The following KIF13B variants were observed in gnomAD, a reference collection of about 807,000 sequenced individuals.
The protein encoded by KIF13B is kinesin-like protein KIF13B.
Under a neutral mutation model 222.0 loss-of-function variants are expected in KIF13B, and 127 were observed. That is an observed-to-expected ratio of 0.57 (90% CI 0.50 to 0.66). KIF13B has a LOEUF of 0.66. KIF13B is among the 30% of genes least tolerant of loss of function. The pLI, the probability that KIF13B is intolerant of heterozygous loss-of-function variation, is 0.00. For missense variants in KIF13B, 2,173 were observed against 2,379.0 expected, an observed-to-expected ratio of 0.91 and a Z score of 1.80; for synonymous variants, 976 against 919.0, an observed-to-expected ratio of 1.06 and a Z score of -1.12.
chr8:29,110,695 C>G (rs1809315815), intron 32 of KIF13B: 1 of 152,362 alleles, frequency 6.6e-6, no homozygotes, highest in African/African-American at 2.4e-5. Context: ...ACTGAGCTTT[C>G]TGGTATAGCC....
intron 2 of KIF13B, among the ~76,000 whole-genome samples, chr8:29,210,921 C>T (rs1461592368): frequency 6.6e-6 from 1 of 152,204 alleles, no homozygotes; most frequent in Non-Finnish European, 1.5e-5. Flanking sequence ...AAAATGAGAC[C>T]ACCTGGCCAG....
chr8:29,081,748 C>T (rs960238762), intron 37 of KIF13B, among the ~76,000 whole-genome samples: 10 of 152,162 alleles, frequency 6.6e-5, no homozygotes, highest in African/African-American at 1.9e-4. Context: ...ATACATGGCT[C>T]GCATTATGTA....
chr8:29,168,811 G>T (rs771849441), intron 10 of KIF13B, among the ~76,000 whole-genome samples: 1 of 152,138 alleles, frequency 6.6e-6, no homozygotes, highest in East Asian at 1.9e-4. Context: ...ACACGCACCC[G>T]GAGTCCTGAC....
At chr8:29,107,752 G>A (rs1158557850) in intron 35 of KIF13B, among the ~76,000 whole-genome samples, 1 of 151,828 alleles carries the variant, frequency 6.6e-6, no homozygotes, top group East Asian at 2.0e-4. Flanking sequence ...AGTAGAGACG[G>A]GGTTTCACCG....
At chr8:29,168,988 T>C (rs1449878948) in intron 10 of KIF13B, among the ~76,000 whole-genome samples, 1 of 152,208 alleles carries the variant, frequency 6.6e-6, no homozygotes, top group African/African-American at 2.4e-5. Context: ...GAACAGAATG[T>C]CACTGAATGA....
chr8:29,148,292 A>G (rs970548670), intron 16 of KIF13B, among the ~76,000 whole-genome samples: 1 of 152,256 alleles, frequency 6.6e-6, no homozygotes. Flanking sequence ...ATTTTGATAA[A>G]TATAAATTAA....
At chr8:29,149,944 G>A (rs1175741352) in intron 15 of KIF13B, among the ~76,000 whole-genome samples, 3 of 151,970 alleles carry the variant, frequency 2.0e-5, no homozygotes, top group East Asian at 1.9e-4. Context: ...CTAAAACCAC[G>A]ACTACGTTTC....
intron 9 of KIF13B, 114 bp downstream of exon 9, chr8:29,177,352 T>C (rs1307969581): frequency 4.9e-5 from 37 of 749,546 alleles, no homozygotes; most frequent in South Asian, 2.2e-4. Context: ...CCCAGGCCCA[T>C]TGAAAATACC....
intron 1 of KIF13B, 27 bp from the exon 2 acceptor site, chr8:29,245,466 G>C (rs774622075): frequency 6.7e-7 from 1 of 1,484,326 alleles, no homozygotes; most frequent in Non-Finnish European, 9.1e-7. Flanking sequence ...AAGAAAAACA[G>C]TCATTTTAAA....
chr8:29,115,419 C>T (rs374251222), intron 31 of KIF13B, among the ~76,000 whole-genome samples: 2 of 151,748 alleles, frequency 1.3e-5, no homozygotes, highest in Non-Finnish European at 2.9e-5. Flanking sequence ...CTCCGCCTCC[C>T]GGGTTTAAGC....
At chr8:29,094,891 G>GA (rs1808452303) in intron 36 of KIF13B, among the ~76,000 whole-genome samples, 1 of 146,584 alleles carries the variant, frequency 6.8e-6, no homozygotes, top group Admixed American at 6.9e-5. Flanking sequence ...TGACTGAAAT[G>GA]AAAAAATTCC....
chr8:29,080,425 T>C (rs1050071444), intron 37 of KIF13B, among the ~76,000 whole-genome samples: 1 of 151,058 alleles, frequency 6.6e-6, no homozygotes, highest in African/African-American at 2.4e-5. Flanking sequence ...ACCAGGGGCC[T>C]GGAAGAGAGG....
chr8:29,142,894 C>T (rs918751287), intron 18 of KIF13B, among the ~76,000 whole-genome samples: 1 of 151,816 alleles, frequency 6.6e-6, no homozygotes, highest in African/African-American at 2.4e-5. Context: ...CACTCTGTCA[C>T]CCAGGCTGGA....
chr8:29,083,407 G>A (rs1261049743), intron 37 of KIF13B, among the ~76,000 whole-genome samples: 1 of 152,110 alleles, frequency 6.6e-6, no homozygotes, highest in African/African-American at 2.4e-5. Flanking sequence ...GCAACACTCG[G>A]TCTAGAGAAT....
chr8:29,224,293 G>A (rs550798016), intron 2 of KIF13B, among the ~76,000 whole-genome samples: 26 of 152,074 alleles, frequency 1.7e-4, no homozygotes, highest in African/African-American at 3.6e-4. Flanking sequence ...GTGAGCCACC[G>A]CGCCCGGCCT....
Position 29,108,198 on chromosome 8 carries a change from G to A in KIF13B, c.4162-6C>T. The stretch of plus-strand genomic sequence containing the variant: ...TCTTGTCGGCTTCCAGACAACTGAA[G>A]AAGAAAGAAAGGGGGGTTAGTTATT... On this transcript the variant is annotated splice_region_variant and splice_polypyrimidine_tract_variant and intron_variant, in intron 34 of 39. Transcript: ENST00000524189. 6.2e-7 allele frequency: 1 copy of A among 1,611,394 alleles called. No homozygotes were observed. Among genetic ancestry groups the A allele is most frequent in the Non-Finnish European group, 8.5e-7 (1 of 1,178,720 alleles).
rs373830870 is a variant in KIF13B at position 29,191,920 on chromosome 8, G to A, written c.163-863C>T. Among the ~76,000 whole-genome samples, 7 of 152,146 alleles carry A rather than the reference G, an allele frequency of 4.6e-5. No homozygotes were observed. The East Asian group carries it at 5.8e-4, about 13-fold the overall frequency. ...GTGCAATTGTTTTAAAATGTATCTCGGTTCACATTTTGTCACATTCTCCCA... is the reference window on the plus strand; with the variant it reads ...GTGCAATTGTTTTAAAATGTATCTCAGTTCACATTTTGTCACATTCTCCCA... On this transcript the variant is annotated intron_variant, in intron 3 of 39. Coordinates refer to ENST00000524189, the MANE Select transcript of KIF13B (RefSeq NM_015254.4).
At chr8:29,183,711 T>C (rs1289642880) in intron 6 of KIF13B, among the ~76,000 whole-genome samples, 1 of 152,174 alleles carries the variant, frequency 6.6e-6, no homozygotes, top group Non-Finnish European at 1.5e-5. Flanking sequence ...TAAGAATCAC[T>C]AAGTGAATGA....
At position 29,176,032 on chromosome 8, in the gene KIF13B, A is replaced by G; in HGVS notation, c.945+36T>C. On this transcript the variant is annotated intron_variant, in intron 10 of 39. Transcript: ENST00000524189. ...TTTTTCTTCCTTCTTGCCAACCACC[A>G]AAAGTATGCCAGGAAGGGAAAAAAA... The G allele has an allele frequency of 3.1e-6, 4 of 1,279,180 alleles. No individual in the cohort carries two copies. The South Asian group carries it at 4.9e-5, about 16-fold the overall frequency. The allele number at this position is 1,279,180 out of a possible 1,614,324, so 79.2% of individuals were successfully genotyped here.
Sources: allele counts gnomAD v4.1 joint callset (sites outside exome capture counted in the v4.1 genomes callset), GRCh38; gene constraint gnomAD v4.1.1; transcripts MANE v1.5; gene names NCBI Gene and HGNC (gene_info 2026-07-23, HGNC 2026-07-21).